TUSC3: variants seen among roughly 807,000 people sequenced by gnomAD.
TUSC3 encodes tumor suppressor candidate 3.
In TUSC3, 45 loss-of-function variants were observed where a neutral mutation model predicts 44.8. The observed-to-expected ratio is 1.00, with a 90% CI of 0.79 to 1.29. The LOEUF (loss-of-function observed/expected upper bound fraction) is 1.29, where lower values mean the gene tolerates loss of function less well. Ranked by LOEUF, TUSC3 falls within the 50% of genes most tolerant of loss-of-function variation. The probability of loss-of-function intolerance (pLI) is 0.00; values close to 1 mark genes in which losing one functional copy is unlikely to be tolerated. For missense variants in TUSC3, 519 were observed against 437.9 expected, an observed-to-expected ratio of 1.19 and a Z score of -1.65; for synonymous variants, 212 against 152.9, an observed-to-expected ratio of 1.39 and a Z score of -2.85.
chr8:15,664,121 A>C (rs1205237460), intron 5 of TUSC3, among the ~76,000 whole-genome samples: 1 of 151,766 alleles, frequency 6.6e-6, no homozygotes, highest in Non-Finnish European at 1.5e-5. Flanking sequence ...TAACTGTGCA[A>C]AGGAATTTAT....
At chr8:15,641,236 C>T (rs1250983877) in intron 2 of TUSC3, among the ~76,000 whole-genome samples, 1 of 151,972 alleles carries the variant, frequency 6.6e-6, no homozygotes, top group East Asian at 1.9e-4. Flanking sequence ...TGGCACTCGC[C>T]TGTAGTCCCA....
intron 2 of TUSC3, among the ~76,000 whole-genome samples, chr8:15,648,105 G>T (rs1264434775): frequency 6.6e-6 from 1 of 151,960 alleles, no homozygotes; most frequent in African/African-American, 2.4e-5. Context: ...TTTCTGTGAT[G>T]CCTGTTTGAA....
chr8:15,635,902 G>A (rs1040767691), intron 2 of TUSC3, among the ~76,000 whole-genome samples: 1 of 152,146 alleles, frequency 6.6e-6, no homozygotes, highest in South Asian at 2.1e-4. Flanking sequence ...CACTGTGGGC[G>A]ACTACGTTAA....
At chr8:15,578,798 T>C (rs1229607445) in intron 1 of TUSC3, among the ~76,000 whole-genome samples, 2 of 152,088 alleles carry the variant, frequency 1.3e-5, no homozygotes, top group Non-Finnish European at 2.9e-5. Context: ...TGTCTCTGCC[T>C]GGCTTTGGTA....
intron 7 of TUSC3, 22 bp downstream of exon 7, chr8:15,730,751 G>T: frequency 6.2e-7 from 1 of 1,608,932 alleles, no homozygotes; most frequent in South Asian, 1.1e-5. Context: ...AGATACCGAC[G>T]AATTGAAAAG....
intron 2 of TUSC3, among the ~76,000 whole-genome samples, chr8:15,486,837 A>C (rs757969304): frequency 6.6e-6 from 1 of 152,226 alleles, no homozygotes; most frequent in Non-Finnish European, 1.5e-5. Flanking sequence ...AGCTAGTAGC[A>C]CTGCAAATAT....
chr8:15,468,685 G>A (rs1800446162), intron 1 of TUSC3, among the ~76,000 whole-genome samples: 2 of 152,068 alleles, frequency 1.3e-5, no homozygotes, highest in South Asian at 4.1e-4. Flanking sequence ...TCTAGGCCAG[G>A]CTAGAGACTT....
intron 2 of TUSC3, among the ~76,000 whole-genome samples, chr8:15,511,741 G>A (rs931623140): frequency 4.6e-5 from 7 of 152,092 alleles, no homozygotes; most frequent in Middle Eastern, 3.4e-3. Context: ...GTGGTGGTGG[G>A]TGCCTATAAT....
At chr8:15,648,726 A>C (rs1053268826) in intron 2 of TUSC3, among the ~76,000 whole-genome samples, 3 of 43,212 alleles carry the variant, frequency 6.9e-5, no homozygotes, top group Non-Finnish European at 1.1e-4. Context: ...ACTCTGTGTC[A>C]AAAAAAAAAA....
the TUSC3 span, among the ~76,000 whole-genome samples, chr8:15,845,703 A>T: frequency 6.6e-6 from 1 of 152,198 alleles, no homozygotes; most frequent in Admixed American, 6.5e-5. Flanking sequence ...TGTTTGCTCT[A>T]GGGGTTTGGA....
intron 1 of TUSC3, among the ~76,000 whole-genome samples, chr8:15,557,850 A>AT (rs1453365142): frequency 8.4e-6 from 1 of 119,070 alleles, no homozygotes; most frequent in Non-Finnish European, 1.8e-5. Flanking sequence ...TTGTACATTG[A>AT]TTTTGTATCC....
the TUSC3 span, among the ~76,000 whole-genome samples, chr8:15,839,570 A>G: frequency 6.0e-4 from 92 of 152,354 alleles, no homozygotes; most frequent in African/African-American, 2.0e-3. Context: ...GGTGAAGGAT[A>G]TGAACAGACA....
chr8:15,526,757 T>A (rs1367286069), intron 2 of TUSC3, among the ~76,000 whole-genome samples: 1 of 152,172 alleles, frequency 6.6e-6, no homozygotes, highest in East Asian at 1.9e-4. Context: ...GATAACAGAC[T>A]AATACAGAGT....
intron 1 of TUSC3, among the ~76,000 whole-genome samples, chr8:15,547,201 A>G (rs1292220574): frequency 6.6e-6 from 1 of 151,638 alleles, no homozygotes; most frequent in Non-Finnish European, 1.5e-5. Flanking sequence ...AGGGCACTTT[A>G]GTACAGGTTA....
chr8:15,801,541 C>T, the TUSC3 span, among the ~76,000 whole-genome samples: 1 of 152,158 alleles, frequency 6.6e-6, no homozygotes, highest in South Asian at 2.1e-4. Context: ...GTGACATGTC[C>T]ATTTTTGTAT....
chr8:15,610,597 T>C, intron 1 of TUSC3, among the ~76,000 whole-genome samples: 1 of 152,188 alleles, frequency 6.6e-6, no homozygotes, highest in East Asian at 1.9e-4. Flanking sequence ...ATATGCAAGT[T>C]TCGGAAACAG....
chr8:15,738,821 A>ATATTTCTTTTTTTTT (rs1811046439), intron 7 of TUSC3, among the ~76,000 whole-genome samples: 2 of 93,406 alleles, frequency 2.1e-5, no homozygotes, highest in South Asian at 3.0e-4. Context: ...CTATTAATAT[A>ATATTTCTTTTTTTTT]TCTTGCTTTT....
the TUSC3 span, among the ~76,000 whole-genome samples, chr8:15,826,957 G>A: frequency 6.6e-6 from 1 of 152,136 alleles, no homozygotes; most frequent in Admixed American, 6.5e-5. Context: ...ACTAAATTCT[G>A]ACTGAATTTG....
intron 1 of TUSC3, among the ~76,000 whole-genome samples, chr8:15,547,288 A>C (rs987102404): frequency 4.0e-5 from 6 of 151,646 alleles, no homozygotes; most frequent in African/African-American, 1.5e-4. Flanking sequence ...ATGGCATAAC[A>C]TGGTTGTCAT....
Sources: allele counts gnomAD v4.1 joint callset (sites outside exome capture counted in the v4.1 genomes callset), GRCh38; gene constraint gnomAD v4.1.1; transcripts MANE v1.5; gene names NCBI Gene and HGNC (gene_info 2026-07-23, HGNC 2026-07-21).